Variants in TBCK observed in about 807,000 individuals in gnomAD.
TBCK encodes TBC domain-containing protein kinase-like protein.
TBCK carries 99 observed loss-of-function variants against 113.4 expected under a neutral mutation model. That is an observed-to-expected ratio of 0.87 (90% CI 0.74 to 1.03). TBCK has a LOEUF of 1.03. Among genes scored for constraint, TBCK ranks in the 50% least tolerant of loss-of-function variants. The pLI is 0.00. For missense variants in TBCK, 1,045 were observed against 1,061.3 expected, an observed-to-expected ratio of 0.98 and a Z score of 0.21; for synonymous variants, 369 against 370.8, an observed-to-expected ratio of 1.00 and a Z score of 0.05.
At chr4:106,100,153 T>G (rs1023880332) in intron 24 of TBCK, among the ~76,000 whole-genome samples, 1 of 152,202 alleles carries the variant, frequency 6.6e-6, no homozygotes, top group Non-Finnish European at 1.5e-5. Flanking sequence ...GCAATTTGAT[T>G]TTATATAAAA....
At chr4:106,312,628 A>T (rs934891611) in intron 1 of TBCK, among the ~76,000 whole-genome samples, 6 of 150,596 alleles carry the variant, frequency 4.0e-5, no homozygotes, top group African/African-American at 7.3e-5. Flanking sequence ...ATTTGTCCAT[A>T]AAAAAAAACA....
chr4:106,136,176 T>C (rs1176576115), intron 23 of TBCK, among the ~76,000 whole-genome samples: 1 of 141,558 alleles, frequency 7.1e-6, no homozygotes, highest in Non-Finnish European at 1.6e-5. Flanking sequence ...TTTCCTTTTC[T>C]GTTATTTTTC....
intron 23 of TBCK, among the ~76,000 whole-genome samples, chr4:106,126,338 T>C (rs576268493): frequency 6.6e-6 from 1 of 152,316 alleles, no homozygotes; most frequent in Admixed American, 6.5e-5. Context: ...TATACCTTAT[T>C]TTCCTCAGGA....
intron 24 of TBCK, among the ~76,000 whole-genome samples, chr4:106,110,267 T>A (rs1742687894): frequency 6.6e-6 from 1 of 152,210 alleles, no homozygotes; most frequent in South Asian, 2.1e-4. Context: ...CATTCTTTCA[T>A]CCATCATTCA....
chr4:106,270,869 C>A (rs957553383), intron 3 of TBCK, among the ~76,000 whole-genome samples: 37 of 152,054 alleles, frequency 2.4e-4, no homozygotes, highest in African/African-American at 8.9e-4. Context: ...CTGAAAAAAC[C>A]CTATTTACCA....
chr4:106,073,815 G>A (rs1578816085), intron 25 of TBCK, among the ~76,000 whole-genome samples: 1 of 152,136 alleles, frequency 6.6e-6, no homozygotes, highest in Non-Finnish European at 1.5e-5. Flanking sequence ...TCAAGTCTTA[G>A]CAATGGTGGA....
intron 20 of TBCK, among the ~76,000 whole-genome samples, chr4:106,212,489 C>T (rs1057473653): frequency 3.3e-5 from 5 of 152,138 alleles, no homozygotes; most frequent in Admixed American, 1.3e-4. Context: ...AAAGCCTACA[C>T]AGCACAGTTT....
intron 25 of TBCK, among the ~76,000 whole-genome samples, chr4:106,070,730 C>T (rs766233905): frequency 6.6e-5 from 10 of 152,088 alleles, no homozygotes; most frequent in Non-Finnish European, 1.3e-4. Flanking sequence ...ACCCGCTCGT[C>T]TTTGTAATTC....
chr4:106,066,211 A>C (rs1413625989), intron 25 of TBCK, among the ~76,000 whole-genome samples: 1 of 152,020 alleles, frequency 6.6e-6, no homozygotes, highest in African/African-American at 2.4e-5. Flanking sequence ...ACTGTATAGT[A>C]ATTTCTGCAT....
At chr4:106,195,012 C>A (rs1284764037) in intron 20 of TBCK, among the ~76,000 whole-genome samples, 1 of 152,046 alleles carries the variant, frequency 6.6e-6, no homozygotes, top group African/African-American at 2.4e-5. Flanking sequence ...AAATGCTGAG[C>A]TGTAACCAAT....
At chr4:106,123,293 C>T (rs1367614997) in intron 23 of TBCK, among the ~76,000 whole-genome samples, 5 of 152,146 alleles carry the variant, frequency 3.3e-5, no homozygotes, top group African/African-American at 4.8e-5. Flanking sequence ...GAGAATAAAA[C>T]ATCTAGGAAT....
chr4:106,173,222 A>G (rs1297016725), intron 22 of TBCK, among the ~76,000 whole-genome samples: 5 of 152,200 alleles, frequency 3.3e-5, no homozygotes. Context: ...CTCTCTAACA[A>G]TATCAACTTG....
chr4:106,248,389 GT>G, intron 8 of TBCK, 83 bp from the exon 9 acceptor site: 1 of 991,638 alleles, frequency 1.0e-6, no homozygotes, highest in Non-Finnish European at 1.4e-6. Context: ...TAATCTAGAA[GT>G]TTTTGATGTT....
chr4:106,055,553 C>A (rs1193299688), intron 25 of TBCK, among the ~76,000 whole-genome samples: 1 of 18,238 alleles, frequency 5.5e-5, no homozygotes, highest in Admixed American at 8.7e-4. Flanking sequence ...TTCAATTATA[C>A]ACACACACAC....
chr4:106,257,985 A>C (rs1762167980), intron 5 of TBCK, among the ~76,000 whole-genome samples: 1 of 152,090 alleles, frequency 6.6e-6, no homozygotes, highest in Admixed American at 6.5e-5. Context: ...AATAATAATA[A>C]TGAAAAATCA....
At chr4:106,243,842 C>G (rs1053559894) in intron 11 of TBCK, among the ~76,000 whole-genome samples, 3 of 152,118 alleles carry the variant, frequency 2.0e-5, no homozygotes, top group African/African-American at 4.8e-5. Context: ...GCACACAACA[C>G]CACGCCCAGC....
intron 8 of TBCK, 65 bp downstream of exon 8, chr4:106,248,856 T>C: frequency 7.6e-7 from 1 of 1,315,714 alleles, no homozygotes; most frequent in Admixed American, 2.4e-5. Context: ...TCTTTATAAG[T>C]TACCCAATAT....
intron 19 of TBCK, among the ~76,000 whole-genome samples, chr4:106,224,675 T>C (rs1658055671): frequency 6.6e-6 from 1 of 152,170 alleles, no homozygotes; most frequent in African/African-American, 2.4e-5. Flanking sequence ...CAATATACAG[T>C]GTACTGTTTC....
chr4:106,249,108 T>A, intron 7 of TBCK, 126 bp from the exon 8 acceptor site: 1 of 544,880 alleles, frequency 1.8e-6, no homozygotes. Flanking sequence ...TACTGAAAAC[T>A]TTATCATTTT....
Sources: allele counts gnomAD v4.1 joint callset (sites outside exome capture counted in the v4.1 genomes callset), GRCh38; gene constraint gnomAD v4.1.1; transcripts MANE v1.5; gene names NCBI Gene and HGNC (gene_info 2026-07-23, HGNC 2026-07-21).